The following COP1 variants were observed in gnomAD, a reference collection of about 807,000 sequenced individuals.
COP1 encodes the protein COP1 E3 ubiquitin ligase.
Under a neutral mutation model 101.3 loss-of-function variants are expected in COP1, and 24 were observed. The ratio of observed to expected loss-of-function variants is 0.24; its 90% CI spans 0.17 to 0.33. The LOEUF (loss-of-function observed/expected upper bound fraction) is 0.33. COP1 is among the 10% of genes least tolerant of loss of function. The pLI is 1.00. For synonymous variants in COP1, 347 were observed against 341.9 expected (o/e 1.01, Z -0.17); for missense variants, 663 against 906.2 (o/e 0.73, Z 3.45).
intron 9 of COP1, among the ~76,000 whole-genome samples, chr1:176,096,660 C>T (rs958110216): frequency 1.3e-5 from 2 of 152,100 alleles, no homozygotes; most frequent in East Asian, 1.9e-4. Context: ...TTAACTTTTA[C>T]GTGAGAGGAT....
chr1:176,187,975 T>C (rs1465459748), intron 1 of COP1, among the ~76,000 whole-genome samples: 3 of 151,956 alleles, frequency 2.0e-5, no homozygotes, highest in African/African-American at 7.3e-5. Flanking sequence ...ATTAGTGCCC[T>C]TACAAAAGAG....
intron 15 of COP1, among the ~76,000 whole-genome samples, chr1:176,013,173 T>C (rs1664988390): frequency 1.3e-5 from 2 of 152,214 alleles, no homozygotes; most frequent in African/African-American, 2.4e-5. Flanking sequence ...TCTTATTTTT[T>C]ATTGTCATAT....
At chr1:176,155,093 T>C (rs1006906686) in intron 5 of COP1, among the ~76,000 whole-genome samples, 3 of 152,098 alleles carry the variant, frequency 2.0e-5, no homozygotes, top group African/African-American at 7.2e-5. Context: ...GACAACACTT[T>C]CACAGTACAA....
chr1:176,005,446 G>C (rs1210610680), intron 15 of COP1, among the ~76,000 whole-genome samples: 1 of 151,818 alleles, frequency 6.6e-6, no homozygotes, highest in South Asian at 2.1e-4. Flanking sequence ...GTGATGTTAG[G>C]GTGTCAATTT....
intron 15 of COP1, among the ~76,000 whole-genome samples, chr1:175,991,957 G>T (rs192494407): frequency 1.2e-4 from 19 of 152,234 alleles, no homozygotes; most frequent in Admixed American, 2.6e-4. Flanking sequence ...AAAAACAAGT[G>T]TAAGAAGTAC....
rs187211197 is a variant in COP1, at chr1:176,007,417, A to G, written c.1730-17938T>C. ...TGCGTTCCTTTGGAGGAAGAGAGGCACTCTGGTTTTTAGAGTTTCCAGTTT... is the reference window on the plus strand; with the variant it reads ...TGCGTTCCTTTGGAGGAAGAGAGGCGCTCTGGTTTTTAGAGTTTCCAGTTT... On this transcript the variant is annotated intron_variant, in intron 15 of 19. Coordinates refer to ENST00000367669, the MANE Select transcript of COP1 (RefSeq NM_022457.7). Among the ~76,000 whole-genome samples the G allele has an allele frequency of 2.6e-3, 402 of 152,032 alleles. 3 individuals are homozygous for G. Among genetic ancestry groups the G allele is most frequent in the African/African-American group, 9.3e-3 (384 of 41,446 alleles).
chr1:176,207,141 C>T lies in COP1; in HGVS notation c.-163G>A. The T allele has an allele frequency of 2.0e-6, 1 of 496,062 alleles. No homozygotes were observed. The allele number at this position is 496,062 out of a possible 1,614,324, so 30.7% of individuals were successfully genotyped here. On this transcript the variant is annotated 5_prime_UTR_variant, in exon 1 of 20. In the 5' UTR this introduces an upstream ATG that the reference lacks. Coordinates refer to ENST00000367669, the MANE Select transcript of COP1 (RefSeq NM_022457.7). ...GTTGCGTTTTTTTTTAAGGCAGCCA[C>T]ACAACAGCGTCCCACGGGAGGGGGC...
chr1:176,049,103 C>T (rs1393061548), intron 11 of COP1, among the ~76,000 whole-genome samples: 8 of 146,134 alleles, frequency 5.5e-5, no homozygotes, highest in African/African-American at 1.8e-4. Context: ...ACCCAGGAAG[C>T]GGAGCTTGCA....
intron 6 of COP1, among the ~76,000 whole-genome samples, chr1:176,141,965 C>T (rs1311915818): frequency 2.0e-5 from 3 of 151,898 alleles, no homozygotes; most frequent in Admixed American, 6.6e-5. Context: ...AACTCCTGGC[C>T]CTCAAATGAT....
chr1:175,949,841 G>A (rs952536313), intron 18 of COP1, among the ~76,000 whole-genome samples: 1 of 152,188 alleles, frequency 6.6e-6, no homozygotes, highest in African/African-American at 2.4e-5. Context: ...GTGAAGATGA[G>A]GATTCACTTG....
chr1:176,105,256 C>A (rs1405111937), intron 9 of COP1, among the ~76,000 whole-genome samples: 1 of 151,900 alleles, frequency 6.6e-6, no homozygotes, highest in Non-Finnish European at 1.5e-5. Context: ...TAATATTTTA[C>A]ATATTCAAAA....
chr1:175,974,407 G>A (rs1446867737), intron 18 of COP1, among the ~76,000 whole-genome samples: 1 of 152,150 alleles, frequency 6.6e-6, no homozygotes, highest in East Asian at 1.9e-4. Context: ...GTAAGTCAAT[G>A]CAATAGACTA....
intron 1 of COP1, among the ~76,000 whole-genome samples, chr1:176,188,822 A>G (rs1318514443): frequency 8.5e-6 from 1 of 117,352 alleles, no homozygotes; most frequent in Non-Finnish European, 1.9e-5. Flanking sequence ...CCTAAGTGAC[A>G]AAACACATAG....
rs545261852 is a variant in COP1, at chr1:176,125,481, A to T, written c.969-8800T>A. Among the ~76,000 whole-genome samples, 9 of 152,284 alleles carry T rather than the reference A, an allele frequency of 5.9e-5. No individual in the cohort carries two copies. In the East Asian group the frequency reaches 1.7e-3, roughly 29 times the overall value. On this transcript the variant is annotated intron_variant, in intron 8 of 19. Transcript: ENST00000367669. The stretch of plus-strand genomic sequence containing the variant: ...TTCCAAGCACCATTTATTTAAGAGA[A>T]TATCTTTTCCCCAATTTATGTTCTT...
intron 9 of COP1, among the ~76,000 whole-genome samples, chr1:176,086,505 C>A (rs1241502270): frequency 6.6e-6 from 1 of 152,138 alleles, no homozygotes; most frequent in Non-Finnish European, 1.5e-5. Flanking sequence ...GGATTACAGG[C>A]ATGAGCCACT....
chr1:175,956,482 TG>T (rs573194644), intron 18 of COP1, among the ~76,000 whole-genome samples: 53 of 151,584 alleles, frequency 3.5e-4, no homozygotes, highest in African/African-American at 1.3e-3. Flanking sequence ...GCAAAAAACA[TG>T]TACAATAAAG....
At chr1:175,982,869 G>T (rs1284159143) in intron 18 of COP1, among the ~76,000 whole-genome samples, 1 of 152,152 alleles carries the variant, frequency 6.6e-6, no homozygotes, top group African/African-American at 2.4e-5. Flanking sequence ...TACCAGAGGT[G>T]GGGGATGGGA....
At chr1:176,073,893 C>G (rs1377369323) in intron 11 of COP1, among the ~76,000 whole-genome samples, 3 of 152,168 alleles carry the variant, frequency 2.0e-5, no homozygotes, top group African/African-American at 7.2e-5. Flanking sequence ...TACAAAGTAA[C>G]AAAATAATGC....
intron 18 of COP1, among the ~76,000 whole-genome samples, chr1:175,955,492 G>C (rs920691173): frequency 6.6e-6 from 1 of 151,990 alleles, no homozygotes; most frequent in Non-Finnish European, 1.5e-5. Flanking sequence ...GTACAACCCA[G>C]TGCGACAGTC....
Sources: allele counts gnomAD v4.1 joint callset (sites outside exome capture counted in the v4.1 genomes callset), GRCh38; gene constraint gnomAD v4.1.1; transcripts MANE v1.5; gene names NCBI Gene and HGNC (gene_info 2026-07-23, HGNC 2026-07-21).